Variants in IL33 observed in about 807,000 individuals in gnomAD.
IL33 encodes the protein interleukin-33.
IL33 carries 37 observed loss-of-function variants against 27.3 expected under a neutral mutation model. The observed-to-expected ratio is 1.36, with a 90% CI of 1.04 to 1.78. The LOEUF (loss-of-function observed/expected upper bound fraction) is 1.78, where lower values mean the gene tolerates loss of function less well. Ranked by LOEUF, IL33 falls within the 40% of genes most tolerant of loss-of-function variation. The pLI is 0.00. For missense variants in IL33, 406 were observed against 311.4 expected, an observed-to-expected ratio of 1.30 and a Z score of -2.29; for synonymous variants, 132 against 102.9, an observed-to-expected ratio of 1.28 and a Z score of -1.71.
chr9:6,243,941 G>A (rs1451879294), intron 2 of IL33, among the ~76,000 whole-genome samples: 1 of 152,178 alleles, frequency 6.6e-6, no homozygotes, highest in African/African-American at 2.4e-5. Context: ...TGTGGTTTCT[G>A]AACAACCAGG....
At chr9:6,241,007 C>A (rs548146459) in intron 1 of IL33, among the ~76,000 whole-genome samples, 7 of 151,804 alleles carry the variant, frequency 4.6e-5, no homozygotes, top group Admixed American at 4.6e-4. Flanking sequence ...ACACACACAC[C>A]CTAGTCTAGG....
At chr9:6,241,546 T>TA (rs1390132134) in intron 1 of IL33, 138 bp from the exon 2 acceptor site, 1 of 550,230 alleles carries the variant, frequency 1.8e-6, no homozygotes, top group African/African-American at 1.9e-5. Context: ...ATAGTTAGAA[T>TA]ACTACGTTCA....
Position 6,250,469 on chromosome 9 carries a change from T to C in IL33, c.92-5T>C. On this transcript the variant is annotated splice_polypyrimidine_tract_variant and splice_region_variant and intron_variant, in intron 2 of 7. Coordinates refer to ENST00000682010, the MANE Select transcript of IL33 (RefSeq NM_033439.4). Reference sequence around the variant, plus strand: ...AACAGTCTCACAAGTTTTTCAATTGTTTAGAATCCCAACAGAAGGCCAAAG... The same window carrying C: ...AACAGTCTCACAAGTTTTTCAATTGCTTAGAATCCCAACAGAAGGCCAAAG... 5.6e-6 allele frequency: 9 copies of C among 1,612,470 alleles called. No individual in the cohort carries two copies. Among genetic ancestry groups the C allele is most frequent in the Non-Finnish European group, 7.6e-6 (9 of 1,179,266 alleles).
chr9:6,232,694 T>TA (rs1818983074), intron 1 of IL33, among the ~76,000 whole-genome samples: 1 of 152,174 alleles, frequency 6.6e-6, no homozygotes, highest in Non-Finnish European at 1.5e-5. Flanking sequence ...CCCAACTACT[T>TA]AAACTAATCT....
chr9:6,225,545 T>C (rs1818589107), intron 1 of IL33, among the ~76,000 whole-genome samples: 1 of 152,142 alleles, frequency 6.6e-6, no homozygotes, highest in Non-Finnish European at 1.5e-5. Flanking sequence ...ACCTCTGCAG[T>C]TTTTAATAAT....
chr9:6,239,946 A>C (rs1819434911), intron 1 of IL33, among the ~76,000 whole-genome samples: 2 of 152,090 alleles, frequency 1.3e-5, no homozygotes, highest in East Asian at 1.9e-4. Context: ...GATATTGCTG[A>C]CTCATATTTA....
intron 1 of IL33, among the ~76,000 whole-genome samples, chr9:6,232,503 C>T (rs1056358329): frequency 2.6e-5 from 4 of 152,170 alleles, no homozygotes; most frequent in African/African-American, 7.2e-5. Context: ...TCCCCACCCA[C>T]ACACAAGCAT....
At chr9:6,220,009 A>T (rs1818341498) in intron 1 of IL33, among the ~76,000 whole-genome samples, 3 of 152,220 alleles carry the variant, frequency 2.0e-5, no homozygotes, top group Non-Finnish European at 4.4e-5. Flanking sequence ...TCTTATTCAA[A>T]GTTTCCATCA....
intron 1 of IL33, 73 bp downstream of exon 1, chr9:6,215,925 T>G (rs1818117660): frequency 6.9e-6 from 1 of 145,868 alleles, no homozygotes; most frequent in African/African-American, 2.7e-5. Context: ...TGGAGAACTG[T>G]GTTTTTTTTT....
intron 1 of IL33, among the ~76,000 whole-genome samples, chr9:6,239,014 G>A (rs1264017054): frequency 1.3e-5 from 2 of 152,170 alleles, no homozygotes; most frequent in Non-Finnish European, 1.5e-5. Flanking sequence ...TAAATTGGGG[G>A]TTGCAAGATG....
intron 2 of IL33, among the ~76,000 whole-genome samples, chr9:6,245,565 G>A (rs1819787966): frequency 6.6e-6 from 1 of 152,182 alleles, no homozygotes; most frequent in African/African-American, 2.4e-5. Context: ...GGAGGCAAGA[G>A]TAGAAACAGA....
chr9:6,251,341 G>A (rs960269030), intron 4 of IL33, 76 bp downstream of exon 4: 3 of 1,583,406 alleles, frequency 1.9e-6, no homozygotes, highest in African/African-American at 2.7e-5. Context: ...GCTACTCCAG[G>A]TAGCAGTCCC....
In IL33 at chr9:6,254,538, G is replaced by T. The variant is rs765810560; in HGVS notation, c.597G>T (p.Lys199Asn). ...ACTTCTGGTTGCATGCCAACAACAA[G>T]GAACACTCTGTGGAGGTAAAAAAAA... is the stretch of plus-strand genomic sequence containing the variant. ...TKDFWLHANNKEHSVELHKCE... is the reference protein window; with the variant it reads ...TKDFWLHANNNEHSVELHKCE... The change falls in exon 7 of 8, where the codon AAG (lysine) becomes AAT (asparagine). Residue 199 changes from lysine to asparagine, a missense_variant. Physicochemically the swap from Lys to Asn is moderately conservative, Grantham distance 94. Transcript: ENST00000682010. 2 of 1,592,140 alleles carry T rather than the reference G, an allele frequency of 1.3e-6. No homozygotes were observed. The highest frequency in any genetic ancestry group is 2.3e-5 in the South Asian group (2 of 86,834).
At chr9:6,243,310 G>T (rs73398535) in intron 2 of IL33, among the ~76,000 whole-genome samples, 2,354 of 152,222 alleles carry the variant, frequency 0.015, 63 homozygotes, top group African/African-American at 0.054. Flanking sequence ...ATAACTCTTT[G>T]ATCCTTAAAA....
chr9:6,237,547 A>C (rs17498196), intron 1 of IL33, among the ~76,000 whole-genome samples: 23,563 of 152,158 alleles, frequency 0.15, 2,446 homozygotes, highest in Non-Finnish European at 0.22. Flanking sequence ...AAACTAGTCC[A>C]TGAGGGTGAT....
At chr9:6,215,549 G>A (rs1464161713), upstream of IL33, among the ~76,000 whole-genome samples, 1 of 152,188 alleles carries the variant, frequency 6.6e-6, no homozygotes, top group South Asian at 2.1e-4. Context: ...TGAAGTTTAG[G>A]AGTTCAACTC....
At position 6,252,874 on chromosome 9, in the gene IL33, C is replaced by G; in HGVS notation, c.352C>G (p.Pro118Ala). The change falls in exon 5 of 8, where the codon CCT becomes GCT. Residue 118 changes from proline to alanine, a missense_variant. By Grantham distance (27) the Pro-to-Ala change is conservative. Transcript: ENST00000682010. ...TGAATTCTTAACAACAGGAATTTCACCTATTACAGAGTATCTTGCTTCTCT... is the reference window on the plus strand; with the variant it reads ...TGAATTCTTAACAACAGGAATTTCAGCTATTACAGAGTATCTTGCTTCTCT... ...LHDSSITGIS[P>A]ITEYLASLST... The G allele has an allele frequency of 1.0e-5, 16 of 1,601,526 alleles. No individual in the cohort carries two copies. Among genetic ancestry groups the G allele is most frequent in the Non-Finnish European group, 1.4e-5 (16 of 1,176,506 alleles).
At chr9:6,235,155 C>G (rs1819128468) in intron 1 of IL33, among the ~76,000 whole-genome samples, 1 of 152,140 alleles carries the variant, frequency 6.6e-6, no homozygotes, top group African/African-American at 2.4e-5. Context: ...ATCCTCCCAC[C>G]TCAGTCTCCC....
rs1816338825 is a variant in IL33 at position 6,251,242 on chromosome 9, C to A, written c.320C>A (p.Ala107Glu). The A allele has an allele frequency of 1.2e-6, 2 of 1,613,638 alleles. No individual in the cohort carries two copies. The highest frequency in any genetic ancestry group is 1.7e-6 in the Non-Finnish European group (2 of 1,179,706). Residue 107 changes from alanine (A) to glutamate (E), a missense_variant, in exon 4 of 8, where the codon GCA (alanine) becomes GAA (glutamate). Coordinates refer to ENST00000682010, the MANE Select transcript of IL33 (RefSeq NM_033439.4). ...TCAGGGGTCCAGAAATATACTAGAG[C>A]ACTTCATGATTCAAGTATCACAGGT... ...GISGVQKYTR[A>E]LHDSSITGIS...
Sources: allele counts gnomAD v4.1 joint callset (sites outside exome capture counted in the v4.1 genomes callset), GRCh38; gene constraint gnomAD v4.1.1; transcripts MANE v1.5; gene names NCBI Gene and HGNC (gene_info 2026-07-23, HGNC 2026-07-21).